The following PAM variants were observed in gnomAD, a reference collection of about 807,000 sequenced individuals.
PAM encodes the protein peptidyl-glycine alpha-amidating monooxygenase.
A neutral mutation model predicts 122.1 loss-of-function variants in PAM; 72 were observed. The ratio of observed to expected loss-of-function variants is 0.59; its 90% CI spans 0.49 to 0.72. The LOEUF is 0.72. Among genes scored for constraint, PAM ranks in the 30% least tolerant of loss-of-function variants. PAM has a pLI of 0.00. For synonymous variants in PAM, 389 were observed against 404.4 expected, an observed-to-expected ratio of 0.96 and a Z score of 0.46; for missense variants, 1,106 against 1,183.7, an observed-to-expected ratio of 0.93 and a Z score of 0.96.
chr5:102,980,862 A>T (rs1197344414), intron 15 of PAM, among the ~76,000 whole-genome samples: 1 of 152,336 alleles, frequency 6.6e-6, no homozygotes, highest in Admixed American at 6.5e-5. Flanking sequence ...AAATAAAATA[A>T]CAATAATGTA....
Position 102,988,634 on chromosome 5 carries a change from AAAAG to A in PAM, c.1484-1635_1484-1632del, listed in dbSNP as rs1772838945. On this transcript the variant is annotated intron_variant, in intron 15 of 25. Transcript: ENST00000438793. ...GGAGGAAAGGAAAGGAAAGGGAAAA[AAAAG>A]AAGGAAAGGAAAGGGAAGGGGAGGA... 1.4e-5 allele frequency among the ~76,000 whole-genome samples: 2 copies of A among 141,448 alleles called. 1 individual carries two copies. Among genetic ancestry groups the A allele is most frequent in the African/African-American group, 6.3e-5 (2 of 31,876 alleles). The allele number at this position is 141,448 out of a possible 152,430, so 92.8% of individuals were successfully genotyped here.
chr5:102,777,294 AT>A (rs1757422660), intron 1 of PAM, among the ~76,000 whole-genome samples: 1 of 152,080 alleles, frequency 6.6e-6, no homozygotes, highest in African/African-American at 2.4e-5. Flanking sequence ...GCTGTTTAAA[AT>A]TGCAAACATT....
intron 24 of PAM, among the ~76,000 whole-genome samples, chr5:103,027,432 G>C (rs939569133): frequency 6.6e-6 from 1 of 152,118 alleles, no homozygotes; most frequent in African/African-American, 2.4e-5. Flanking sequence ...TGACTTTCCT[G>C]ACCATAGCCC....
At chr5:102,791,077 T>C (rs1255378107) in intron 1 of PAM, among the ~76,000 whole-genome samples, 4 of 152,160 alleles carry the variant, frequency 2.6e-5, no homozygotes, top group African/African-American at 9.6e-5. Flanking sequence ...CTTTTACAGC[T>C]GCATCTAAGT....
At chr5:102,791,443 T>G (rs1010236478) in intron 1 of PAM, among the ~76,000 whole-genome samples, 5 of 152,072 alleles carry the variant, frequency 3.3e-5, no homozygotes, top group African/African-American at 4.8e-5. Flanking sequence ...GAACATTTTT[T>G]ATATTATTTT....
chr5:102,799,561 G>T (rs1327632057), intron 1 of PAM, among the ~76,000 whole-genome samples: 1 of 152,148 alleles, frequency 6.6e-6, no homozygotes, highest in Non-Finnish European at 1.5e-5. Context: ...TATAGCGTAG[G>T]TATAGTAATG....
intron 15 of PAM, among the ~76,000 whole-genome samples, chr5:102,975,464 T>G (rs866845056): frequency 2.6e-5 from 4 of 152,318 alleles, no homozygotes; most frequent in East Asian, 3.9e-4. Flanking sequence ...GAACCTGGAT[T>G]TTTAACTTTT....
chr5:102,870,731 A>C (rs983024122), intron 3 of PAM, among the ~76,000 whole-genome samples: 3 of 152,224 alleles, frequency 2.0e-5, no homozygotes, highest in African/African-American at 7.2e-5. Context: ...ATTAGAGAGA[A>C]GAGTAGGCAG....
chr5:102,843,241 A>C (rs1779106024), intron 1 of PAM, among the ~76,000 whole-genome samples: 1 of 152,254 alleles, frequency 6.6e-6, no homozygotes, highest in African/African-American at 2.4e-5. Context: ...TAGTGTAATG[A>C]ATCTCTTTTT....
intron 1 of PAM, among the ~76,000 whole-genome samples, chr5:102,833,564 A>G (rs1011515156): frequency 6.6e-6 from 1 of 152,194 alleles, no homozygotes; most frequent in Non-Finnish European, 1.5e-5. Context: ...ATTGAGATAA[A>G]ATAGCATAAA....
chr5:102,805,700 C>T (rs1580353836), intron 1 of PAM, among the ~76,000 whole-genome samples: 1 of 152,116 alleles, frequency 6.6e-6, no homozygotes, highest in South Asian at 2.1e-4. Context: ...AGTTTATGAT[C>T]TCTAATAAGG....
intron 1 of PAM, among the ~76,000 whole-genome samples, chr5:102,775,166 T>C (rs1393651964): frequency 2.0e-5 from 3 of 152,088 alleles, no homozygotes; most frequent in African/African-American, 7.2e-5. Context: ...ACCACTTTTA[T>C]TGTACTTTAG....
intron 16 of PAM, among the ~76,000 whole-genome samples, chr5:102,994,606 C>A (rs1775106728): frequency 6.6e-6 from 1 of 152,054 alleles, no homozygotes; most frequent in Admixed American, 6.6e-5. Flanking sequence ...GCAGTTACAT[C>A]ACTGTGTTGC....
At chr5:103,001,435 TTAA>T (rs1777343289) in intron 16 of PAM, among the ~76,000 whole-genome samples, 1 of 152,114 alleles carries the variant, frequency 6.6e-6, no homozygotes, top group African/African-American at 2.4e-5. Context: ...ATCTGTTTTG[TTAA>T]TGATGATACT....
intron 1 of PAM, among the ~76,000 whole-genome samples, chr5:102,762,326 A>G (rs778586089): frequency 9.9e-5 from 15 of 152,172 alleles, no homozygotes; most frequent in Non-Finnish European, 1.6e-4. Context: ...TGTATTTCTG[A>G]AGATCAGAAT....
chr5:103,007,652 T>C lies in PAM; in HGVS notation c.2210T>C (p.Ile737Thr), dbSNP rs775101043. The stretch of plus-strand genomic sequence containing the variant: ...AGAAATGTATTTGCAATTTCATATA[T>C]ACCAGGTATTTCATCTTAATATGTT... ...FGRNVFAISY[I>T]PGLLFAVNGK... Residue 737 changes from isoleucine to threonine, a missense_variant, in exon 20 of 26, where the codon ATA becomes ACA. This residue lies in a region of PAM where 333 missense variants were observed against 335.6 expected (regional missense o/e 0.99). Coordinates refer to ENST00000438793, the MANE Select transcript of PAM (RefSeq NM_001177306.2). 1.9e-6 allele frequency: 3 copies of C among 1,562,072 alleles called. No individual in the cohort carries two copies. In the South Asian group the frequency reaches 3.3e-5, roughly 17 times the overall value.
At chr5:102,946,732 C>T (rs1757167759) in intron 7 of PAM, 105 bp from the exon 8 acceptor site, 2 of 719,508 alleles carry the variant, frequency 2.8e-6, no homozygotes, top group African/African-American at 3.6e-5. Flanking sequence ...TGAAACATAA[C>T]TTGTGTTTTA....
At chr5:102,997,269 C>G (rs918143620) in intron 16 of PAM, among the ~76,000 whole-genome samples, 2 of 152,038 alleles carry the variant, frequency 1.3e-5, no homozygotes, top group African/African-American at 4.8e-5. Flanking sequence ...TTGTAAATAT[C>G]TGAACTTTGG....
chr5:102,808,893 C>T (rs1767010597), intron 1 of PAM, among the ~76,000 whole-genome samples: 4 of 152,288 alleles, frequency 2.6e-5, no homozygotes, highest in Middle Eastern at 3.4e-3. Flanking sequence ...ATTAGTGCTT[C>T]ATGAAAGTTT....
Sources: gnomAD v4.1 joint callset for allele counts (sites outside exome capture counted in the v4.1 genomes callset) on GRCh38, gnomAD v4.1.1 for gene constraint, gnomAD v4.1.1 regional missense constraint, MANE v1.5 for transcripts, NCBI Gene and HGNC (gene_info 2026-07-23, HGNC 2026-07-21) for gene names.